Variants in NUDCD2 observed in about 807,000 individuals in gnomAD.
The protein encoded by NUDCD2 is nudC domain-containing protein 2.
NUDCD2 carries 16 observed loss-of-function variants against 20.8 expected under a neutral mutation model. The ratio of observed to expected loss-of-function variants is 0.77; its 90% CI spans 0.52 to 1.17. The LOEUF is 1.17. Ranked by LOEUF, NUDCD2 falls within the 50% of genes most tolerant of loss-of-function variation. The probability of loss-of-function intolerance (pLI) is 0.00; values close to 1 mark genes in which losing one functional copy is unlikely to be tolerated. For missense variants in NUDCD2, 199 were observed against 193.9 expected (o/e 1.03, Z -0.16); for synonymous variants, 87 against 72.8 (o/e 1.20, Z -1.00).
rs1401173366 is a variant in NUDCD2 at position 163,449,445 on chromosome 5, A to G, written c.*4522T>C. 6.6e-6 allele frequency: 1 copy of G among 152,246 alleles called. No homozygotes were observed. Among genetic ancestry groups the G allele is most frequent in the Non-Finnish European group, 1.5e-5 (1 of 68,046 alleles). The allele number at this position is 152,246 out of a possible 1,614,324, so 9.4% of individuals were successfully genotyped here. ...TGTGGAATATATGCTGAAAAATGAC[A>G]TAAAATGCTGATAACTGAAATGAAA... On this transcript the variant is annotated 3_prime_UTR_variant, in exon 4 of 4. Transcript: ENST00000302764.
At chr5:163,455,330 G>A (rs1421351307) in intron 3 of NUDCD2, among the ~76,000 whole-genome samples, 2 of 152,200 alleles carry the variant, frequency 1.3e-5, no homozygotes, top group Non-Finnish European at 2.9e-5. Flanking sequence ...AGGCCAGTAT[G>A]GCAAAAGCAG....
intron 2 of NUDCD2, 91 bp from the exon 3 acceptor site, chr5:163,457,171 AC>A: frequency 7.6e-7 from 1 of 1,320,332 alleles, no homozygotes; most frequent in South Asian, 1.6e-5. Flanking sequence ...TATCACTCTC[AC>A]CCAGGCTGGA....
Position 163,453,983 on chromosome 5 carries a change from G to A in NUDCD2, c.458C>T (p.Ser153Leu), listed in dbSNP as rs1486748377. ...GNYTKGGPDF[S>L]NLEK ...AAAAAGCAGTTATTTCTCAAGGTTT[G>A]AGAAATCTGGTCCACCTTTAGTGTA... The change falls in exon 4 of 4, where the codon TCA becomes TTA. Residue 153 changes from serine to leucine, a missense_variant. Coordinates refer to ENST00000302764, the MANE Select transcript of NUDCD2 (RefSeq NM_145266.6). 1.3e-6 allele frequency: 2 copies of A among 1,538,748 alleles called. No individual in the cohort carries two copies. Among genetic ancestry groups the A allele is most frequent in the Non-Finnish European group, 1.8e-6 (2 of 1,138,446 alleles).
chr5:163,459,709 G>A (rs1417227958), intron 1 of NUDCD2, 153 bp downstream of exon 1: 2 of 541,942 alleles, frequency 3.7e-6, no homozygotes, highest in African/African-American at 4.0e-5. Flanking sequence ...GAAGAGGCGG[G>A]GGCTCTGACC....
intron 1 of NUDCD2, among the ~76,000 whole-genome samples, chr5:163,458,666 A>G (rs930721109): frequency 2.6e-5 from 4 of 152,206 alleles, no homozygotes; most frequent in African/African-American, 9.6e-5. Flanking sequence ...TAAGTTATAG[A>G]AAGTGAAATT....
At position 163,452,976 on chromosome 5, in the gene NUDCD2, T is replaced by A. The variant is rs1758213078; in HGVS notation, c.*991A>T. The A allele has an allele frequency of 2.0e-5, 3 of 152,190 alleles. No individual in the cohort carries two copies. In the South Asian group the frequency reaches 6.2e-4, roughly 31 times the overall value. The allele number at this position is 152,190 out of a possible 1,614,324, so 9.4% of individuals were successfully genotyped here. The stretch of plus-strand genomic sequence containing the variant: ...ATTGGGACAATCAGTTCAATGTGAA[T>A]GAAGTGAAGATCTGAGGATTAGAGG... On this transcript the variant is annotated 3_prime_UTR_variant, in exon 4 of 4. Coordinates refer to ENST00000302764, the MANE Select transcript of NUDCD2 (RefSeq NM_145266.6).
At chr5:163,459,749 TTCTC>T in intron 1 of NUDCD2, 109 bp downstream of exon 1, 1 of 915,948 alleles carries the variant, frequency 1.1e-6, no homozygotes, top group East Asian at 2.6e-5. Flanking sequence ...GTTATCCTCT[TTCTC>T]TTTCTGCCAG....
chr5:163,449,079 A>C lies in NUDCD2; in HGVS notation c.*4888T>G, dbSNP rs1356088810. On this transcript the variant is annotated 3_prime_UTR_variant, in exon 4 of 4. Transcript: ENST00000302764. ...CTTTCTCCATGTTATTGTTCTGGCC[A>C]CTGCAATCAGGCAAGAAAAATCATA... 6.6e-6 allele frequency: 1 copy of C among 152,224 alleles called. No individual in the cohort carries two copies. Among genetic ancestry groups the C allele is most frequent in the Non-Finnish European group, 1.5e-5 (1 of 68,046 alleles). 9.4% of individuals were successfully genotyped at this position (152,224 alleles called of 1,614,324 possible).
intron 1 of NUDCD2, chr5:163,459,032 A>G (rs762386125): frequency 6.6e-6 from 1 of 152,220 alleles, no homozygotes; most frequent in Non-Finnish European, 1.5e-5. Context: ...CGTGAATACC[A>G]TGTTAAGCTC....
rs1411810748 is a variant in NUDCD2, at chr5:163,457,099, C to T, written c.239-19G>A. Reference sequence around the variant, plus strand: ...CTGTCCTCTAAAAAAAAAACACACACACACACACGCACAAATAAATTAGAG... The same window carrying T: ...CTGTCCTCTAAAAAAAAAACACACATACACACACGCACAAATAAATTAGAG... On this transcript the variant is annotated intron_variant, in intron 2 of 3. Coordinates refer to ENST00000302764, the MANE Select transcript of NUDCD2 (RefSeq NM_145266.6). 1 of 1,566,864 alleles carries T rather than the reference C, an allele frequency of 6.4e-7. No homozygotes were observed. The highest frequency in any genetic ancestry group is 2.0e-5 in the Admixed American group (1 of 48,964).
Position 163,451,514 on chromosome 5 carries a change from G to T in NUDCD2, c.*2453C>A, listed in dbSNP as rs932174884. On this transcript the variant is annotated 3_prime_UTR_variant, in exon 4 of 4. Coordinates refer to ENST00000302764, the MANE Select transcript of NUDCD2 (RefSeq NM_145266.6). ...ATTCACCAAACCATACACCAAAAAA[G>T]TTAATTTTACTTTACTCAAAAAATT... 1.3e-5 allele frequency: 2 copies of T among 152,098 alleles called. No individual in the cohort carries two copies. The highest frequency in any genetic ancestry group is 4.8e-5 in the African/African-American group (2 of 41,392). The allele number at this position is 152,098 out of a possible 1,614,324, so 9.4% of individuals were successfully genotyped here.
rs1758206724 is a variant in NUDCD2 at position 163,452,681 on chromosome 5, C to G, written c.*1286G>C. The G allele has an allele frequency of 6.6e-6, 1 of 151,392 alleles. No individual in the cohort carries two copies. The highest frequency in any genetic ancestry group is 2.1e-4 in the South Asian group (1 of 4,692). The allele number at this position is 151,392 out of a possible 1,614,324, so 9.4% of individuals were successfully genotyped here. ...TAATCAGTCATCTAAGAAACACCATCAGAAATGAGACAAACTGAAATTATT... is the reference window on the plus strand; with the variant it reads ...TAATCAGTCATCTAAGAAACACCATGAGAAATGAGACAAACTGAAATTATT... On this transcript the variant is annotated 3_prime_UTR_variant, in exon 4 of 4. Transcript: ENST00000302764.
rs1758209238 is a variant in NUDCD2, at chr5:163,452,793, A to G, written c.*1174T>C. ...CATGAAGTATCAGACAGAACTCAAA[A>G]TAAGGGGTGTTCTACAAAACTAGCC... On this transcript the variant is annotated 3_prime_UTR_variant, in exon 4 of 4. Coordinates refer to ENST00000302764, the MANE Select transcript of NUDCD2 (RefSeq NM_145266.6). The G allele has an allele frequency of 6.6e-6, 1 of 152,218 alleles. No individual in the cohort carries two copies. Among genetic ancestry groups the G allele is most frequent in the African/African-American group, 2.4e-5 (1 of 41,466 alleles). The allele number at this position is 152,218 out of a possible 1,614,324, so 9.4% of individuals were successfully genotyped here.
intron 2 of NUDCD2, 31 bp from the exon 3 acceptor site, chr5:163,457,111 C>CAAAT (rs1341028877): frequency 3.3e-6 from 5 of 1,534,316 alleles, no homozygotes; most frequent in Non-Finnish European, 4.4e-6. Context: ...CACACACGCA[C>CAAAT]AAATAAATTA....
At chr5:163,458,751 T>C (rs776460908) in intron 1 of NUDCD2, among the ~76,000 whole-genome samples, 1 of 152,222 alleles carries the variant, frequency 6.6e-6, no homozygotes, top group African/African-American at 2.4e-5. Context: ...GGTCTATACG[T>C]ACATCAGAAA....
At chr5:163,458,600 T>TA (rs1561630466) in intron 1 of NUDCD2, among the ~76,000 whole-genome samples, 1 of 150,062 alleles carries the variant, frequency 6.7e-6, no homozygotes, top group South Asian at 2.1e-4. Flanking sequence ...AAATATATAT[T>TA]TTTTTTTAAA....
intron 1 of NUDCD2, chr5:163,458,975 A>G (rs1758397895): frequency 6.6e-6 from 1 of 152,252 alleles, no homozygotes; most frequent in African/African-American, 2.4e-5. Context: ...GCTAACATAT[A>G]GTATGAACTT....
chr5:163,455,003 C>T (rs1758268389), intron 3 of NUDCD2, among the ~76,000 whole-genome samples: 1 of 152,152 alleles, frequency 6.6e-6, no homozygotes, highest in Non-Finnish European at 1.5e-5. Context: ...CACAAATACT[C>T]AACTGTCTGA....
rs748421802 is a variant in NUDCD2 at position 163,452,488 on chromosome 5, G to GT, written c.*1478dup. 6.6e-6 allele frequency: 1 copy of GT among 152,156 alleles called. No homozygotes were observed. 9.4% of individuals were successfully genotyped at this position (152,156 alleles called of 1,614,324 possible). ...ATGTACAATAATTTTGAGCACCAAT[G>GT]TAATGATAATAGGTTTTTTAACCTG... On this transcript the variant is annotated 3_prime_UTR_variant, in exon 4 of 4. Coordinates refer to ENST00000302764, the MANE Select transcript of NUDCD2 (RefSeq NM_145266.6).
Sources: allele counts gnomAD v4.1 joint callset (sites outside exome capture counted in the v4.1 genomes callset), GRCh38; gene constraint gnomAD v4.1.1; transcripts MANE v1.5; gene names NCBI Gene and HGNC (gene_info 2026-07-23, HGNC 2026-07-21).